The following NOP14 variants were observed in gnomAD, a reference collection of about 807,000 sequenced individuals.
NOP14 encodes NOP14 nucleolar protein.
A neutral mutation model predicts 101.6 loss-of-function variants in NOP14; 57 were observed. The observed-to-expected ratio is 0.56, with a 90% confidence interval of 0.45 to 0.70. NOP14 has a LOEUF of 0.70. Among genes scored for constraint, NOP14 ranks in the 30% least tolerant of loss-of-function variants. The pLI is 0.00. For missense variants in NOP14, 1,134 were observed against 1,075.5 expected (o/e 1.05, Z -0.76); for synonymous variants, 428 against 424.0 (o/e 1.01, Z -0.12).
At chr4:2,949,413 C>T (rs1466180077) in intron 8 of NOP14, among the ~76,000 whole-genome samples, 2 of 152,158 alleles carry the variant, frequency 1.3e-5, no homozygotes, top group Non-Finnish European at 2.9e-5. Flanking sequence ...CAATGTTGCC[C>T]AGGCTGGTCT....
chr4:2,960,445 G>A (rs1015909529), intron 1 of NOP14, among the ~76,000 whole-genome samples: 3 of 151,962 alleles, frequency 2.0e-5, no homozygotes, highest in Admixed American at 6.6e-5. Context: ...CAGCCCTTAG[G>A]CTATAAATAC....
rs77173915 is a variant in NOP14, at chr4:2,955,073, T to C, written c.473-510A>G. 3.8e-3 allele frequency among the ~76,000 whole-genome samples: 249 copies of C among 65,030 alleles called. 2 individuals are homozygous for C. Among genetic ancestry groups the C allele is most frequent in the East Asian group, 0.019 (44 of 2,270 alleles). The allele number at this position is 65,030 out of a possible 152,430, so 42.7% of individuals were successfully genotyped here. A position where few individuals can be genotyped will look rare whatever the true frequency, so the allele number is the denominator to read the frequency against. The stretch of plus-strand genomic sequence containing the variant: ...TCTAGTCACCTGCACGCCACGGCGC[T>C]CCCTCTAGTCACCTGCGCCACGGCG... On this transcript the variant is annotated intron_variant, in intron 3 of 17. Coordinates refer to ENST00000416614, the MANE Select transcript of NOP14 (RefSeq NM_001291978.2).
chr4:2,960,822 T>TTAA (rs1292024121), intron 1 of NOP14, among the ~76,000 whole-genome samples: 1,189 of 63,774 alleles, frequency 0.019, 94 homozygotes, highest in African/African-American at 0.068. Flanking sequence ...TATAATCACA[T>TTAA]TATCAATATA....
rs1714737723 is a variant in NOP14, at chr4:2,947,525, C to T, written c.1499+1G>A. 1 of 1,610,080 alleles carries T rather than the reference C, an allele frequency of 6.2e-7. No individual in the cohort carries two copies. Among genetic ancestry groups the T allele is most frequent in the South Asian group, 1.1e-5 (1 of 91,000 alleles). On this transcript the variant is annotated splice_donor_variant, in intron 10 of 17. Coordinates refer to ENST00000416614, the MANE Select transcript of NOP14 (RefSeq NM_001291978.2). LOFTEE classifies it high-confidence loss of function. ...CCAGATGACACACCATTTTTACTTA[C>T]ACAACCAACTTATCAATGACTGTGA...
intron 15 of NOP14, chr4:2,940,546 T>G (rs1714082753): frequency 6.6e-6 from 1 of 152,184 alleles, no homozygotes; most frequent in Non-Finnish European, 1.5e-5. Context: ...GGGGCAGGGC[T>G]CACATCTCAT....
intron 11 of NOP14, among the ~76,000 whole-genome samples, chr4:2,945,838 A>G (rs987910460): frequency 1.3e-5 from 2 of 152,110 alleles, no homozygotes; most frequent in African/African-American, 4.8e-5. Flanking sequence ...TCAAACCAGA[A>G]TCTCCCTGCA....
intron 11 of NOP14, 94 bp from the exon 12 acceptor site, chr4:2,945,323 G>T (rs1008395585): frequency 3.2e-6 from 3 of 932,060 alleles, no homozygotes; most frequent in East Asian, 5.5e-5. Context: ...AACAGGATCT[G>T]GCGAGGAGAG....
chr4:2,942,069 C>CTT, intron 14 of NOP14, 123 bp downstream of exon 14: 1 of 971,578 alleles, frequency 1.0e-6, no homozygotes, highest in Non-Finnish European at 1.5e-6. Flanking sequence ...TTTCGGCCTC[C>CTT]ATCAAACCAA....
Position 2,938,346 on chromosome 4 carries a change from C to A in NOP14, c.*485G>T, listed in dbSNP as rs1448490361. On this transcript the variant is annotated 3_prime_UTR_variant, in exon 18 of 18. Transcript: ENST00000416614. ...GACCAGCCTGACCAACATGGAGAAA[C>A]CCCGTCTCTACTAAAAATACAAAAT... 1.9e-6 allele frequency: 1 copy of A among 530,966 alleles called. No individual in the cohort carries two copies. The highest frequency in any genetic ancestry group is 3.2e-6 in the Non-Finnish European group (1 of 308,972). The allele number at this position is 530,966 out of a possible 1,614,324, so 32.9% of individuals were successfully genotyped here.
At chr4:2,952,220 AG>A in intron 6 of NOP14, 54 bp downstream of exon 6, 1 of 1,589,718 alleles carries the variant, frequency 6.3e-7, no homozygotes, top group Non-Finnish European at 8.6e-7. Flanking sequence ...ATGGAGCAGA[AG>A]GGGCTGTGGA....
intron 13 of NOP14, among the ~76,000 whole-genome samples, chr4:2,943,165 T>G (rs1325118288): frequency 6.6e-6 from 1 of 152,172 alleles, no homozygotes; most frequent in East Asian, 1.9e-4. Context: ...GACAGGAGCC[T>G]TGGGAGGCAG....
intron 1 of NOP14, among the ~76,000 whole-genome samples, chr4:2,962,684 C>T (rs372530700): frequency 3.3e-5 from 5 of 151,972 alleles, no homozygotes; most frequent in African/African-American, 1.2e-4. Flanking sequence ...GTTAAAAAAA[C>T]TAGGAAGCAA....
intron 16 of NOP14, 30 bp downstream of exon 16, chr4:2,939,497 G>A: frequency 7.5e-6 from 12 of 1,605,468 alleles, no homozygotes; most frequent in Non-Finnish European, 9.4e-6. Flanking sequence ...CACAGCCCTG[G>A]CCTCCCAGGG....
chr4:2,949,292 C>T (rs1428466627), intron 8 of NOP14, among the ~76,000 whole-genome samples: 2 of 152,142 alleles, frequency 1.3e-5, no homozygotes, highest in South Asian at 2.1e-4. Flanking sequence ...CAACCTCCGC[C>T]TCCCAGGCTC....
At chr4:2,952,951 A>G (rs1222281705) in intron 5 of NOP14, among the ~76,000 whole-genome samples, 1 of 152,250 alleles carries the variant, frequency 6.6e-6, no homozygotes, top group East Asian at 1.9e-4. Context: ...AAACAACAAC[A>G]AAAACGCTAC....
chr4:2,950,532 T>C, intron 7 of NOP14: 1 of 387,048 alleles, frequency 2.6e-6, no homozygotes, highest in South Asian at 3.5e-5. Flanking sequence ...AGGAGGAGTG[T>C]CTACAGCACC....
At chr4:2,954,201 A>G (rs1398934046) in intron 4 of NOP14, among the ~76,000 whole-genome samples, 1 of 152,224 alleles carries the variant, frequency 6.6e-6, no homozygotes, top group Non-Finnish European at 1.5e-5. Flanking sequence ...TACGTCTCAA[A>G]ATAAAACAAA....
At chr4:2,955,396 C>T (rs570711920) in intron 3 of NOP14, among the ~76,000 whole-genome samples, 15 of 120,638 alleles carry the variant, frequency 1.2e-4, no homozygotes, top group Admixed American at 9.9e-4. Context: ...GTCACCTGCA[C>T]GCCACGGCGC....
At chr4:2,959,061 T>A (rs944920318) in intron 1 of NOP14, among the ~76,000 whole-genome samples, 1 of 152,220 alleles carries the variant, frequency 6.6e-6, no homozygotes, top group East Asian at 1.9e-4. Context: ...ATTTCTCTTA[T>A]CTCACTTTGA....
Sources: allele counts gnomAD v4.1 joint callset (sites outside exome capture counted in the v4.1 genomes callset), GRCh38; gene constraint gnomAD v4.1.1; transcripts MANE v1.5; gene names NCBI Gene and HGNC (gene_info 2026-07-23, HGNC 2026-07-21).